The following GSR variants were observed in gnomAD, a reference collection of about 807,000 sequenced individuals.
GSR encodes the protein glutathione reductase, mitochondrial.
In GSR, 48 loss-of-function variants were observed where a neutral mutation model predicts 56.5. The observed-to-expected ratio is 0.85, with a 90% confidence interval of 0.67 to 1.08. The LOEUF (loss-of-function observed/expected upper bound fraction) is 1.08, where lower values mean the gene tolerates loss of function less well. Ranked by LOEUF, GSR falls within the 50% of genes least tolerant of loss-of-function variation. The pLI is 0.00. For synonymous variants in GSR, 264 were observed against 270.8 expected (o/e 0.97, Z 0.25); for missense variants, 694 against 703.3 (o/e 0.99, Z 0.15).
At chr8:30,719,377 A>G (rs898990122) in intron 1 of GSR, among the ~76,000 whole-genome samples, 1 of 151,806 alleles carries the variant, frequency 6.6e-6, no homozygotes. Context: ...CGGCCTCCCA[A>G]AGTGCTGGGA....
chr8:30,700,717 T>G, intron 5 of GSR, among the ~76,000 whole-genome samples: 1 of 23,796 alleles, frequency 4.2e-5, no homozygotes. Flanking sequence ...AGCAAGATTT[T>G]GTCTCCAAAA....
intron 6 of GSR, among the ~76,000 whole-genome samples, chr8:30,697,213 A>G (rs1803575315): frequency 6.6e-6 from 1 of 152,054 alleles, no homozygotes; most frequent in Non-Finnish European, 1.5e-5. Context: ...CAGGAGTTCG[A>G]GACCAATCTG....
At chr8:30,681,076 A>G (rs748877835) in intron 11 of GSR, 39 bp from the exon 12 acceptor site, 27 of 1,527,014 alleles carry the variant, frequency 1.8e-5, no homozygotes, top group Non-Finnish European at 2.4e-5. Context: ...TCAGAAAACT[A>G]AACAATTACA....
chr8:30,692,274 A>C (rs916259198), intron 8 of GSR, among the ~76,000 whole-genome samples: 22 of 122,232 alleles, frequency 1.8e-4, no homozygotes, highest in Non-Finnish European at 2.8e-4. Flanking sequence ...GCACAATCTC[A>C]GCTCACCACA....
Position 30,680,888 on chromosome 8 carries a change from C to G in GSR, c.1419+16G>C. On this transcript the variant is annotated intron_variant, in intron 12 of 12. Coordinates refer to ENST00000221130, the MANE Select transcript of GSR (RefSeq NM_000637.5). Reference sequence around the variant, plus strand: ...ATTTTGCAAGGCACTATTTAGTTTGCTGGATTTTTCCTTACCTTTTCTTCC... The same window carrying G: ...ATTTTGCAAGGCACTATTTAGTTTGGTGGATTTTTCCTTACCTTTTCTTCC... 6.2e-7 allele frequency: 1 copy of G among 1,612,128 alleles called. No individual in the cohort carries two copies. The highest frequency in any genetic ancestry group is 8.5e-7 in the Non-Finnish European group (1 of 1,179,256).
intron 7 of GSR, among the ~76,000 whole-genome samples, chr8:30,694,904 A>AAG (rs1476824463): frequency 6.6e-6 from 1 of 151,174 alleles, no homozygotes; most frequent in East Asian, 1.9e-4. Flanking sequence ...TCTCAAAAAA[A>AAG]AAAAAAAAAA....
At chr8:30,698,857 G>C (rs1803633586) in intron 6 of GSR, among the ~76,000 whole-genome samples, 1 of 132,130 alleles carries the variant, frequency 7.6e-6, no homozygotes, top group Admixed American at 7.6e-5. Flanking sequence ...CCAACACATT[G>C]GGTCCCTCCA....
intron 1 of GSR, among the ~76,000 whole-genome samples, chr8:30,725,434 C>T (rs1431563737): frequency 1.3e-5 from 2 of 151,276 alleles, no homozygotes; most frequent in African/African-American, 4.9e-5. Flanking sequence ...TGTAGTGGCA[C>T]CTGTAATCTC....
In GSR at chr8:30,684,105, T is replaced by C. The variant is rs1803071961; in HGVS notation, c.1136A>G (p.Lys379Arg). The C allele has an allele frequency of 4.4e-6, 7 of 1,583,622 alleles. No individual in the cohort carries two copies. The highest frequency in any genetic ancestry group is 6.1e-6 in the Non-Finnish European group (7 of 1,152,172). Residue 379 changes from lysine (K) to arginine (R), a missense_variant, in exon 10 of 13, where the codon AAA (lysine) becomes AGA (arginine). By Grantham distance (26) the Lys-to-Arg change is conservative. Coordinates refer to ENST00000221130, the MANE Select transcript of GSR (RefSeq NM_000637.5). ...GACCTTACCTGGAGTAAGAAGAGCTTTTCCACATACATCCCCAACTGCATA... is the reference window on the plus strand; with the variant it reads ...GACCTTACCTGGAGTAAGAAGAGCTCTTCCACATACATCCCCAACTGCATA... ...GIYAVGDVCGKALLTPVAIAA... is the reference protein window; with the variant it reads ...GIYAVGDVCGRALLTPVAIAA...
intron 8 of GSR, among the ~76,000 whole-genome samples, chr8:30,689,545 G>A (rs1052460205): frequency 6.6e-6 from 1 of 152,018 alleles, no homozygotes; most frequent in African/African-American, 2.4e-5. Flanking sequence ...GTCAGTGGCT[G>A]GGAATGTCAG....
chr8:30,695,644 T>G (rs1205708478), intron 7 of GSR, among the ~76,000 whole-genome samples: 4 of 152,210 alleles, frequency 2.6e-5, no homozygotes, highest in Non-Finnish European at 5.9e-5. Context: ...AGCCAAAAGA[T>G]TGGACACCCC....
Position 30,703,109 on chromosome 8 carries a change from A to G in GSR, c.624T>C (p.His208=), listed in dbSNP as rs760674337. The G allele has an allele frequency of 5.6e-6, 9 of 1,614,114 alleles. No homozygotes were observed. In the South Asian group the frequency reaches 7.7e-5, roughly 14 times the overall value. ...IATGGMPSTP[H]ESQIPGASLG... Reference sequence around the variant, plus strand: ...ATGACTCACCGGGGATCTGGCTCTCATGAGGGGTGGAGGGCATACCACCTG... The same window carrying G: ...ATGACTCACCGGGGATCTGGCTCTCGTGAGGGGTGGAGGGCATACCACCTG... Residue 208 remains histidine (H), a synonymous_variant, in exon 5 of 13, where the codon CAT becomes CAC. Coordinates refer to ENST00000221130, the MANE Select transcript of GSR (RefSeq NM_000637.5).
At position 30,679,164 on chromosome 8, in the gene GSR, A is replaced by G. The variant is rs1397397854; in HGVS notation, c.*356T>C. Reference sequence around the variant, plus strand: ...AACTCTGTCTCAAAAAAAAAAAAAAAAAAAGTAGCAAGTTCTATTCATTCA... The same window carrying G: ...AACTCTGTCTCAAAAAAAAAAAAAAGAAAAGTAGCAAGTTCTATTCATTCA... On this transcript the variant is annotated 3_prime_UTR_variant, in exon 13 of 13. Coordinates refer to ENST00000221130, the MANE Select transcript of GSR (RefSeq NM_000637.5). 4.6e-6 allele frequency: 1 copy of G among 216,088 alleles called. No homozygotes were observed. Among genetic ancestry groups the G allele is most frequent in the Non-Finnish European group, 9.2e-6 (1 of 108,348 alleles). 13.4% of individuals were successfully genotyped at this position (216,088 alleles called of 1,614,324 possible).
chr8:30,690,172 A>G (rs1357032139), intron 8 of GSR, among the ~76,000 whole-genome samples: 1 of 146,692 alleles, frequency 6.8e-6, no homozygotes, highest in African/African-American at 2.5e-5. Flanking sequence ...TTATTTATTT[A>G]TTTATTTATT....
intron 5 of GSR, among the ~76,000 whole-genome samples, chr8:30,701,794 CAAAAAAAAAAAA>C (rs34877158): frequency 1.4e-5 from 1 of 72,328 alleles, no homozygotes; most frequent in South Asian, 5.7e-4. Flanking sequence ...ATCTGTCTCA[CAAAAAAAAAAAA>C]AAAAAAAAAA....
At chr8:30,684,763 T>A (rs1221995065) in intron 9 of GSR, among the ~76,000 whole-genome samples, 1 of 151,928 alleles carries the variant, frequency 6.6e-6, no homozygotes, top group African/African-American at 2.4e-5. Flanking sequence ...TTTAGTTTTT[T>A]TTTAGAGACA....
chr8:30,697,780 C>G (rs1276956344), intron 6 of GSR, among the ~76,000 whole-genome samples: 2 of 152,210 alleles, frequency 1.3e-5, no homozygotes, highest in Non-Finnish European at 2.9e-5. Context: ...TCTCGAACTC[C>G]TAGGCTCAAG....
chr8:30,727,754 GC>G lies in GSR; in HGVS notation c.81del (p.Leu28CysfsTer42). 7.2e-7 allele frequency: 1 copy of G among 1,390,326 alleles called. No homozygotes were observed. The highest frequency in any genetic ancestry group is 9.3e-7 in the Non-Finnish European group (1 of 1,073,018). The allele number at this position is 1,390,326 out of a possible 1,614,324, so 86.1% of individuals were successfully genotyped here. ...RRAARAFRGFLLLLPEPAALT... is the reference protein window; with the variant it reads ...RRAARAFRGFXLLLPEPAALT... Reference sequence around the variant, plus strand: ...AGGGCCGCGGGCTCGGGCAGAAGCAGCAGGAAGCCTCGGAAGGCGCGCGCCG... The same window carrying G: ...AGGGCCGCGGGCTCGGGCAGAAGCAGAGGAAGCCTCGGAAGGCGCGCGCCG... On this transcript the variant is annotated frameshift_variant, in exon 1 of 13. Coordinates refer to ENST00000221130, the MANE Select transcript of GSR (RefSeq NM_000637.5). LOFTEE classifies it high-confidence loss of function.
intron 1 of GSR, among the ~76,000 whole-genome samples, chr8:30,726,044 A>G (rs1000006113): frequency 1.3e-5 from 2 of 152,152 alleles, no homozygotes; most frequent in African/African-American, 4.8e-5. Flanking sequence ...GGAGGGGGGC[A>G]CTTAGTGGCA....
Sources: allele counts gnomAD v4.1 joint callset (sites outside exome capture counted in the v4.1 genomes callset), GRCh38; gene constraint gnomAD v4.1.1; transcripts MANE v1.5; gene names NCBI Gene and HGNC (gene_info 2026-07-23, HGNC 2026-07-21).